The following BCAS3 variants were observed in gnomAD, a reference collection of about 807,000 sequenced individuals.
The protein encoded by BCAS3 is BCAS4/BCAS3 fusion.
A neutral mutation model predicts 116.1 loss-of-function variants in BCAS3; 53 were observed. The ratio of observed to expected loss-of-function variants is 0.46; its 90% CI spans 0.37 to 0.57. BCAS3 has a LOEUF of 0.57. BCAS3 is among the 20% of genes least tolerant of loss of function. The pLI, the probability that BCAS3 is intolerant of heterozygous loss-of-function variation, is 0.00. For missense variants in BCAS3, 917 were observed against 1,165.4 expected (o/e 0.79, Z 3.10); for synonymous variants, 391 against 408.2 (o/e 0.96, Z 0.51).
chr17:61,071,422 G>A (rs565548090), intron 19 of BCAS3, among the ~76,000 whole-genome samples: 13 of 152,164 alleles, frequency 8.5e-5, no homozygotes, highest in Non-Finnish European at 1.8e-4. Flanking sequence ...GTCTACTCCT[G>A]TATAATGCAG....
chr17:60,978,379 G>T (rs1269713583), intron 14 of BCAS3, among the ~76,000 whole-genome samples: 15 of 151,018 alleles, frequency 9.9e-5, no homozygotes, highest in Admixed American at 2.0e-4. Context: ...TTTGTTTGAG[G>T]TCATTGTAGA....
intron 7 of BCAS3, among the ~76,000 whole-genome samples, chr17:60,839,107 A>G (rs2051645236): frequency 6.6e-6 from 1 of 152,236 alleles, no homozygotes; most frequent in South Asian, 2.1e-4. Flanking sequence ...ATAAACTGGC[A>G]GCCCATATCT....
At chr17:60,731,780 A>ATTT in intron 5 of BCAS3, among the ~76,000 whole-genome samples, 1 of 125,976 alleles carries the variant, frequency 7.9e-6, no homozygotes, top group Admixed American at 8.0e-5. Flanking sequence ...TCACCCTCCT[A>ATTT]TTTTTTTTTT....
chr17:60,691,191 C>G (rs1265771685), intron 4 of BCAS3, among the ~76,000 whole-genome samples: 1 of 152,100 alleles, frequency 6.6e-6, no homozygotes. Flanking sequence ...CCTCGGCCTC[C>G]CAAAGTGCTG....
chr17:60,863,474 C>T (rs540751949), intron 7 of BCAS3, among the ~76,000 whole-genome samples: 59 of 151,930 alleles, frequency 3.9e-4, no homozygotes, highest in African/African-American at 1.4e-3. Flanking sequence ...TGGCTAGGCT[C>T]GGTGGCTCAT....
rs1244304671 is a variant in BCAS3, at chr17:60,850,947, G to A, written c.477-17629G>A. 2.0e-5 allele frequency among the ~76,000 whole-genome samples: 3 copies of A among 152,168 alleles called. No homozygotes were observed. In the East Asian group the frequency reaches 5.8e-4, roughly 29 times the overall value. ...TACAAGCAAGTTATTTTGTGGATATGTACTAAGTAATTCTAAAGTTTGTAT... is the reference window on the plus strand; with the variant it reads ...TACAAGCAAGTTATTTTGTGGATATATACTAAGTAATTCTAAAGTTTGTAT... On this transcript the variant is annotated intron_variant, in intron 7 of 23. Coordinates refer to ENST00000407086, the MANE Select transcript of BCAS3 (RefSeq NM_017679.5).
In BCAS3 at chr17:61,354,391, A is replaced by C. The variant is rs1413758724; in HGVS notation, c.2426-13936A>C. 1.3e-5 allele frequency: 2 copies of C among 152,212 alleles called. No individual in the cohort carries two copies. Among genetic ancestry groups the C allele is most frequent in the Non-Finnish European group, 2.9e-5 (2 of 68,056 alleles). 9.4% of individuals were successfully genotyped at this position (152,212 alleles called of 1,614,324 possible). ...CTCTTCCACCGCCCTTGAGTGGGGA[A>C]CATCCAGGCCTTCACACTCACGCTC... On this transcript the variant is annotated intron_variant, in intron 22 of 23. Coordinates refer to ENST00000407086, the MANE Select transcript of BCAS3 (RefSeq NM_017679.5). The surrounding 1 kb of genome is among the most constrained non-coding windows in gnomAD (Gnocchi z 4.5).
chr17:61,010,064 C>G (rs1437800734), intron 15 of BCAS3, among the ~76,000 whole-genome samples: 1 of 138,180 alleles, frequency 7.2e-6, no homozygotes, highest in Non-Finnish European at 1.5e-5. Context: ...TTTTCAGACT[C>G]TGTCTTTTTT....
rs150675159 is a variant in BCAS3, at chr17:60,735,668, T to G, written c.322-11530T>G. ...AGGGTTTCGCCATGTTGCCTAGGCTTGTCTCAAACTCCTGGGTTCAAGCGA... is the reference window on the plus strand; with the variant it reads ...AGGGTTTCGCCATGTTGCCTAGGCTGGTCTCAAACTCCTGGGTTCAAGCGA... On this transcript the variant is annotated intron_variant, in intron 5 of 23. Coordinates refer to ENST00000407086, the MANE Select transcript of BCAS3 (RefSeq NM_017679.5). Among the ~76,000 whole-genome samples the G allele has an allele frequency of 4.7e-3, 708 of 152,084 alleles. 6 individuals carry two copies. Among genetic ancestry groups the G allele is most frequent in the Non-Finnish European group, 7.4e-3 (501 of 67,956 alleles).
chr17:60,678,615 A>G (rs1314255648), intron 1 of BCAS3, among the ~76,000 whole-genome samples: 1 of 152,196 alleles, frequency 6.6e-6, no homozygotes, highest in Non-Finnish European at 1.5e-5. Flanking sequence ...TTATTTGACT[A>G]CTTGCTACTA....
At chr17:61,322,844 G>GAGAGAGAGAC (rs2055396992) in intron 22 of BCAS3, among the ~76,000 whole-genome samples, 1 of 145,254 alleles carries the variant, frequency 6.9e-6, no homozygotes, top group African/African-American at 2.6e-5. Flanking sequence ...GAGAGAGAGA[G>GAGAGAGAGAC]AGAGAGAGAG....
At chr17:61,305,193 G>GCAA (rs1257178203) in intron 22 of BCAS3, among the ~76,000 whole-genome samples, 5 of 152,158 alleles carry the variant, frequency 3.3e-5, no homozygotes, top group Non-Finnish European at 7.3e-5. Context: ...AATGAATGAA[G>GCAA]CAACATCTCT....
intron 8 of BCAS3, among the ~76,000 whole-genome samples, chr17:60,872,594 GAC>G (rs1283850871): frequency 7.0e-6 from 1 of 141,982 alleles, no homozygotes; most frequent in East Asian, 2.1e-4. Flanking sequence ...TACACACATG[GAC>G]ACACACCCCA....
At position 61,282,887 on chromosome 17, in the gene BCAS3, G is replaced by A. The variant is rs9915205; in HGVS notation, c.2426-85440G>A. Among the ~76,000 whole-genome samples, 25,040 of 151,578 alleles carry A rather than the reference G, an allele frequency of 0.17. 3,464 individuals are homozygous for A. The highest frequency in any genetic ancestry group is 0.38 in the African/African-American group (15,765 of 41,304). ...TGTGCAAGTAATTAAATGAGTTTTA[G>A]TGAAGGGGAGAAATCACAGTAAAAA... On this transcript the variant is annotated intron_variant, in intron 22 of 23. Transcript: ENST00000407086. This position sits in a 1 kb window ranked among gnomAD's most constrained non-coding sequence, Gnocchi z 5.9.
chr17:60,907,883 C>T (rs572302379), intron 11 of BCAS3, among the ~76,000 whole-genome samples: 11 of 152,012 alleles, frequency 7.2e-5, no homozygotes, highest in East Asian at 1.9e-4. Flanking sequence ...TTTAGATTTC[C>T]GTTAAATAAC....
chr17:61,160,262 C>A, intron 22 of BCAS3, among the ~76,000 whole-genome samples: 1 of 149,468 alleles, frequency 6.7e-6, no homozygotes, highest in Non-Finnish European at 1.5e-5. Flanking sequence ...ATCAGAAAAA[C>A]TTTATAAAAA....
chr17:61,100,604 T>C (rs1384619530), intron 22 of BCAS3, among the ~76,000 whole-genome samples: 2 of 152,216 alleles, frequency 1.3e-5, no homozygotes, highest in East Asian at 3.9e-4. Context: ...AGCTCATCTT[T>C]GTACTCCCCG....
intron 22 of BCAS3, among the ~76,000 whole-genome samples, chr17:61,271,622 TG>T (rs2050282234): frequency 6.7e-6 from 1 of 148,236 alleles, no homozygotes; most frequent in African/African-American, 2.5e-5. Flanking sequence ...TGTGTGTGTG[TG>T]TGTGTGTGTG....
chr17:61,275,217 G>A (rs375743707), intron 22 of BCAS3, among the ~76,000 whole-genome samples: 1 of 152,112 alleles, frequency 6.6e-6, no homozygotes, highest in African/African-American at 2.4e-5. Flanking sequence ...ACATAAGATC[G>A]ATATGTAAAA....
Sources: allele counts gnomAD v4.1 joint callset (sites outside exome capture counted in the v4.1 genomes callset), GRCh38; gene constraint gnomAD v4.1.1; non-coding constraint Gnocchi (gnomAD v3.1); transcripts MANE v1.5; gene names NCBI Gene and HGNC (gene_info 2026-07-23, HGNC 2026-07-21).